Variants in AP1B1 observed in about 807,000 individuals in gnomAD.
AP1B1 encodes adaptor related protein complex 1 subunit beta 1.
Under a neutral mutation model 104.3 loss-of-function variants are expected in AP1B1, and 36 were observed. The observed-to-expected ratio is 0.35, with a 90% confidence interval of 0.26 to 0.46. AP1B1 has a LOEUF of 0.46. Ranked by LOEUF, AP1B1 falls within the 20% of genes least tolerant of loss-of-function variation. The probability of loss-of-function intolerance (pLI) is 1.00; values close to 1 mark genes in which losing one functional copy is unlikely to be tolerated. For synonymous variants in AP1B1, 504 were observed against 517.5 expected (o/e 0.97, Z 0.35); for missense variants, 901 against 1,247.9 (o/e 0.72, Z 4.19).
chr22:29,350,076 G>C lies in AP1B1; in HGVS notation c.1230C>G (p.Ala410=). 6.2e-7 allele frequency: 1 copy of C among 1,614,178 alleles called. No individual in the cohort carries two copies. The highest frequency in any genetic ancestry group is 8.5e-7 in the Non-Finnish European group (1 of 1,180,018). The part of the protein sequence containing the change: ...QTKVNYVVQE[A]IVVIKDIFRK... Reference sequence around the variant, plus strand: ...GGAAGATGTCCTTGATGACCACGATGGCCTCCTGGACCACATAGTTGACCT... The same window carrying C: ...GGAAGATGTCCTTGATGACCACGATCGCCTCCTGGACCACATAGTTGACCT... Residue 410 remains alanine (A), a synonymous_variant, in exon 10 of 23, where the codon GCC becomes GCG. Transcript: ENST00000357586.
rs369318373 is a variant in AP1B1 at position 29,330,376 on chromosome 22, A to G, written c.2766+2T>C. 2 of 1,613,054 alleles carry G rather than the reference A, an allele frequency of 1.2e-6. No individual in the cohort carries two copies. The highest frequency in any genetic ancestry group is 1.7e-6 in the Non-Finnish European group (2 of 1,179,780). ...CTGCAGGGCGGGTGCCGGGGCTCTC[A>G]CCGTGCAGCTGGGGTTGCCCGGCTG... On this transcript the variant is annotated splice_donor_variant, in intron 21 of 22. Transcript: ENST00000357586. LOFTEE classifies it high-confidence loss of function.
chr22:29,330,777 G>T, intron 19 of AP1B1, 68 bp from the exon 20 acceptor site: 3 of 1,371,108 alleles, frequency 2.2e-6, no homozygotes, highest in South Asian at 2.5e-5. Flanking sequence ...CTGTAGCTCA[G>T]CAGGAAATGG....
intron 22 of AP1B1, chr22:29,329,408 GC>G: frequency 7.8e-7 from 1 of 1,288,780 alleles, no homozygotes; most frequent in Admixed American, 3.8e-5. Flanking sequence ...GGAGAGAGGA[GC>G]CCCCACCCAT....
Position 29,341,400 on chromosome 22 carries a change from C to G in AP1B1, c.1796+101G>C, listed in dbSNP as rs995695762. The G allele has an allele frequency of 8.2e-6, 12 of 1,455,732 alleles. No homozygotes were observed. In the African/African-American group the frequency reaches 1.3e-4, roughly 15 times the overall value. The allele number at this position is 1,455,732 out of a possible 1,614,324, so 90.2% of individuals were successfully genotyped here. ...AAAGGTTGTCAGTTTTCCTCAGACT[C>G]AGGTCTTGCTGGGGGACAACACGCC... On this transcript the variant is annotated intron_variant, in intron 13 of 22. Transcript: ENST00000357586.
chr22:29,332,042 C>G (rs2061569650), intron 17 of AP1B1, 126 bp from the exon 18 acceptor site: 2 of 1,005,322 alleles, frequency 2.0e-6, no homozygotes, highest in Non-Finnish European at 1.4e-6. Flanking sequence ...CCAGCCTTCC[C>G]ATGTTCTGGA....
chr22:29,336,406 T>C (rs1051591449), intron 16 of AP1B1, among the ~76,000 whole-genome samples: 11 of 152,234 alleles, frequency 7.2e-5, no homozygotes, highest in African/African-American at 2.7e-4. Context: ...CCTGCCCTGA[T>C]GACTCTTGAC....
intron 1 of AP1B1, among the ~76,000 whole-genome samples, chr22:29,381,455 G>A (rs1317497722): frequency 6.6e-6 from 1 of 152,134 alleles, no homozygotes; most frequent in Non-Finnish European, 1.5e-5. Flanking sequence ...TGAATGACCA[G>A]TGCTCAACTC....
Position 29,340,830 on chromosome 22 carries a change from T to C in AP1B1, c.1824A>G (p.Thr608=). 6.3e-7 allele frequency: 1 copy of C among 1,598,344 alleles called. No individual in the cohort carries two copies. Among genetic ancestry groups the C allele is most frequent in the Non-Finnish European group, 8.5e-7 (1 of 1,174,160 alleles). ...CCCCAGGAGGTGCTCCAGTAGGGGC[T>C]GTCTCAGGGCTCTCTGCGCTCTCAC... ...ASSESAESPE[T]APTGAPPGEQ... is the part of the protein sequence containing the mutation. Residue 608 remains threonine, a synonymous_variant, in exon 14 of 23, where the codon ACA becomes ACG. Coordinates refer to ENST00000357586, the MANE Select transcript of AP1B1 (RefSeq NM_001127.4).
At position 29,383,657 on chromosome 22, in the gene AP1B1, C is replaced by T. The variant is rs1039194678; in HGVS notation, c.-28+4767G>A. Among the ~76,000 whole-genome samples, 6 of 145,674 alleles carry T rather than the reference C, an allele frequency of 4.1e-5. No individual in the cohort carries two copies. In the East Asian group the frequency reaches 6.0e-4, roughly 15 times the overall value. ...CTGGGAGGCAGAGCTTGCAGTGAGC[C>T]GAGATCACGCCACTGCACTCCAGAC... On this transcript the variant is annotated intron_variant, in intron 1 of 22. Coordinates refer to ENST00000357586, the MANE Select transcript of AP1B1 (RefSeq NM_001127.4).
chr22:29,342,164 C>A, intron 12 of AP1B1, 121 bp downstream of exon 12: 1 of 799,414 alleles, frequency 1.3e-6, no homozygotes. Flanking sequence ...GGAAGCCAGT[C>A]CCACCCACAA....
At position 29,329,144 on chromosome 22, in the gene AP1B1, G is replaced by A. The variant is rs1056140245; in HGVS notation, c.2776-249C>T. 5 of 1,322,064 alleles carry A rather than the reference G, an allele frequency of 3.8e-6. 1 individual carries two copies. The highest frequency in any genetic ancestry group is 3.0e-5 in the African/African-American group (2 of 66,810). The allele number at this position is 1,322,064 out of a possible 1,614,324, so 81.9% of individuals were successfully genotyped here. A position where few individuals can be genotyped will look rare whatever the true frequency, so the allele number is the denominator to read the frequency against. On this transcript the variant is annotated intron_variant, in intron 22 of 22. Transcript: ENST00000357586. The stretch of plus-strand genomic sequence containing the variant: ...GCCCAGTCACCAGAGCCCTGCTGGC[G>A]AGCAGTGTGAGTCACGAGCCGGAGG...
chr22:29,344,514 ATTTTTTTTTTTT>A (rs35466454), intron 11 of AP1B1, among the ~76,000 whole-genome samples: 6 of 93,798 alleles, frequency 6.4e-5, no homozygotes, highest in East Asian at 3.0e-4. Flanking sequence ...CCTGGCCAAG[ATTTTTTTTTTTT>A]TTTTTTTTTT....
At chr22:29,361,978 G>A (rs2062054343) in intron 3 of AP1B1, among the ~76,000 whole-genome samples, 2 of 152,128 alleles carry the variant, frequency 1.3e-5, no homozygotes, top group South Asian at 4.2e-4. Flanking sequence ...ATTTTTAGTA[G>A]AGACGGGGTT....
At position 29,331,804 on chromosome 22, in the gene AP1B1, G is replaced by T. The variant is rs2061562693; in HGVS notation, c.2422C>A (p.Pro808Thr). 6.2e-7 allele frequency: 1 copy of T among 1,614,208 alleles called. No individual in the cohort carries two copies. The highest frequency in any genetic ancestry group is 1.3e-5 in the African/African-American group (1 of 75,054). ...GAACCCACCTGGAGGTTGTTCAGAG[G>T]CTCCATCTTCATGACCGAGCCCACC... The part of the protein sequence containing the change: ...STVGSVMKME[P>T]LNNLQVAVKN... The change falls in exon 18 of 23, where the codon CCT (proline) becomes ACT (threonine). Residue 808 changes from proline (P) to threonine (T), a missense_variant. By Grantham distance (38) the Pro-to-Thr change is conservative. This residue lies in a region of AP1B1 where 424 missense variants were observed against 494.0 expected (regional missense o/e 0.86). Coordinates refer to ENST00000357586, the MANE Select transcript of AP1B1 (RefSeq NM_001127.4).
rs1363846782 is a variant in AP1B1, at chr22:29,354,715, C to A, written c.873G>T (p.Leu291=). The change falls in exon 7 of 23, where the codon CTG becomes CTT. Residue 291 remains leucine (L), a synonymous_variant. Transcript: ENST00000357586. ...LKKLAPPLVT[L]LSAEPELQYV... ...ACTGCAGCTCTGGCTCGGCTGACAG[C>A]AGTGTGACCAGGGGTGGGGCCAGCT... is the stretch of plus-strand genomic sequence containing the variant. The A allele has an allele frequency of 6.2e-7, 1 of 1,614,080 alleles. No individual in the cohort carries two copies. The highest frequency in any genetic ancestry group is 1.1e-5 in the South Asian group (1 of 91,082).
intron 3 of AP1B1, among the ~76,000 whole-genome samples, chr22:29,361,424 T>A (rs911548591): frequency 6.6e-6 from 1 of 152,120 alleles, no homozygotes; most frequent in African/African-American, 2.4e-5. Flanking sequence ...GGATTTGGAT[T>A]TCAGAAGAAC....
intron 3 of AP1B1, among the ~76,000 whole-genome samples, chr22:29,362,758 G>A (rs569860): frequency 1.3e-4 from 20 of 152,216 alleles, no homozygotes; most frequent in South Asian, 1.3e-3. Context: ...CCACTCCATT[G>A]CCTGCTGCCT....
chr22:29,342,703 A>G (rs554077875), intron 11 of AP1B1, among the ~76,000 whole-genome samples: 1 of 152,316 alleles, frequency 6.6e-6, no homozygotes, highest in East Asian at 1.9e-4. Flanking sequence ...GAACTATGAG[A>G]AGCTCACATG....
chr22:29,342,403 CGAG>C lies in AP1B1; in HGVS notation c.1438-23_1438-21del. The C allele has an allele frequency of 6.2e-7, 1 of 1,606,208 alleles. No individual in the cohort carries two copies. The highest frequency in any genetic ancestry group is 1.3e-5 in the African/African-American group (1 of 74,878). On this transcript the variant is annotated intron_variant, in intron 11 of 22. Coordinates refer to ENST00000357586, the MANE Select transcript of AP1B1 (RefSeq NM_001127.4). ...CTGGACCTGCAGGGAACAGCGGTGA[CGAG>C]GAGGAAGTGTGGGCCTCACATGGGG... is the stretch of plus-strand genomic sequence containing the variant.
Sources: gnomAD v4.1 joint callset for allele counts (sites outside exome capture counted in the v4.1 genomes callset) on GRCh38, gnomAD v4.1.1 for gene constraint, gnomAD v4.1.1 regional missense constraint, MANE v1.5 for transcripts, NCBI Gene and HGNC (gene_info 2026-07-23, HGNC 2026-07-21) for gene names.